The following GMDS variants were observed in gnomAD, a reference collection of about 807,000 sequenced individuals.
GMDS encodes the protein GDP-mannose 4,6-dehydratase.
GMDS carries 20 observed loss-of-function variants against 49.9 expected under a neutral mutation model. The ratio of observed to expected loss-of-function variants is 0.40; its 90% CI spans 0.28 to 0.58. The LOEUF (loss-of-function observed/expected upper bound fraction) is 0.58. GMDS is among the 20% of genes least tolerant of loss of function. The probability of loss-of-function intolerance (pLI) is 0.42; values close to 1 mark genes in which losing one functional copy is unlikely to be tolerated. For missense variants in GMDS, 362 were observed against 481.4 expected (o/e 0.75, Z 2.32); for synonymous variants, 177 against 178.6 (o/e 0.99, Z 0.07).
At chr6:1,653,839 A>G (rs570752163) in intron 9 of GMDS, among the ~76,000 whole-genome samples, 1 of 152,368 alleles carries the variant, frequency 6.6e-6, no homozygotes, top group Admixed American at 6.5e-5. Context: ...TTAAATCTAT[A>G]AAACTCTGAG....
chr6:1,638,988 G>T (rs189824369), intron 9 of GMDS, among the ~76,000 whole-genome samples: 1 of 152,136 alleles, frequency 6.6e-6, no homozygotes, highest in African/African-American at 2.4e-5. Context: ...GCCAACATTC[G>T]TTCATACATG....
chr6:2,165,820 C>A (rs1000701789), intron 1 of GMDS, among the ~76,000 whole-genome samples: 1 of 152,076 alleles, frequency 6.6e-6, no homozygotes, highest in East Asian at 1.9e-4. Flanking sequence ...CAAGAGAACA[C>A]TTTGAAATAA....
rs553943268 is a variant in GMDS at position 2,073,073 on chromosome 6, C to T, written c.345+42698G>A. 4.3e-4 allele frequency among the ~76,000 whole-genome samples: 66 copies of T among 152,346 alleles called. 1 individual carries two copies. Among genetic ancestry groups the T allele is most frequent in the African/African-American group, 1.5e-3 (63 of 41,598 alleles). On this transcript the variant is annotated intron_variant, in intron 4 of 10. Coordinates refer to ENST00000380815, the MANE Select transcript of GMDS (RefSeq NM_001500.4). ...TCCACCATGGGATGTTTAGGTTAGA[C>T]AGTCAGTGCACAGGGAAAATTAACA...
intron 4 of GMDS, among the ~76,000 whole-genome samples, chr6:1,999,072 C>A (rs1469478089): frequency 2.0e-5 from 3 of 151,836 alleles, no homozygotes; most frequent in African/African-American, 7.3e-5. Flanking sequence ...GCCTGTAATC[C>A]CAGCACTTTG....
At position 1,949,578 on chromosome 6, in the gene GMDS, A is replaced by C. The variant is rs9405533; in HGVS notation, c.643+10289T>G. On this transcript the variant is annotated intron_variant, in intron 6 of 10. Transcript: ENST00000380815. ...CTGCATTAGACCAAGTATTGCTTCA[A>C]AAGTCTTTTATGTTTAAGCAATTAC... Among the ~76,000 whole-genome samples the C allele has an allele frequency of 3.3e-5, 5 of 152,156 alleles. No individual in the cohort carries two copies. The South Asian group carries it at 1.0e-3, about 32-fold the overall frequency.
At chr6:2,063,829 C>A (rs1386765836) in intron 4 of GMDS, among the ~76,000 whole-genome samples, 1 of 152,164 alleles carries the variant, frequency 6.6e-6, no homozygotes, top group African/African-American at 2.4e-5. Context: ...TGTTGCATGT[C>A]AAATGTGGAG....
At chr6:2,138,960 C>A (rs1776145800) in intron 1 of GMDS, among the ~76,000 whole-genome samples, 1 of 152,312 alleles carries the variant, frequency 6.6e-6, no homozygotes, top group African/African-American at 2.4e-5. Flanking sequence ...TGTACTCACT[C>A]CGCAACAGTA....
chr6:1,746,897 T>C (rs1378383829), intron 7 of GMDS, among the ~76,000 whole-genome samples: 1 of 152,128 alleles, frequency 6.6e-6, no homozygotes, highest in Non-Finnish European at 1.5e-5. Flanking sequence ...AGATGGGGTT[T>C]CACCATGTTG....
intron 7 of GMDS, among the ~76,000 whole-genome samples, chr6:1,825,660 T>C (rs1193592421): frequency 1.3e-5 from 2 of 151,016 alleles, no homozygotes; most frequent in Non-Finnish European, 2.9e-5. Context: ...GTGATAATTA[T>C]TTGTGTTTCT....
intron 7 of GMDS, among the ~76,000 whole-genome samples, chr6:1,783,862 A>G (rs6919059): frequency 0.44 from 67,066 of 151,884 alleles, 15,183 homozygotes; most frequent in East Asian, 0.71. Flanking sequence ...TGACAGAAAC[A>G]ACATTGCGAT....
At chr6:1,660,779 C>T (rs573955563) in intron 9 of GMDS, among the ~76,000 whole-genome samples, 10 of 145,388 alleles carry the variant, frequency 6.9e-5, no homozygotes, top group East Asian at 2.0e-4. Context: ...ACAGGCAATA[C>T]GAGATGACAG....
intron 4 of GMDS, among the ~76,000 whole-genome samples, chr6:1,996,547 T>C (rs1333186257): frequency 1.3e-5 from 2 of 152,228 alleles, no homozygotes; most frequent in Non-Finnish European, 2.9e-5. Context: ...TAGCGTAGTA[T>C]CCTAACAATT....
At position 2,021,728 on chromosome 6, in the gene GMDS, G is replaced by A. The variant is rs568309450; in HGVS notation, c.346-60762C>T. On this transcript the variant is annotated intron_variant, in intron 4 of 10. Transcript: ENST00000380815. ...ACTAACGACAGCATTCCAAGTTCCCGTCCCCACCCAACTGTGGAAATGACT... is the reference window on the plus strand; with the variant it reads ...ACTAACGACAGCATTCCAAGTTCCCATCCCCACCCAACTGTGGAAATGACT... Among the ~76,000 whole-genome samples the A allele has an allele frequency of 5.3e-5, 8 of 152,128 alleles. 1 individual carries two copies. Among genetic ancestry groups the A allele is most frequent in the South Asian group, 2.1e-4 (1 of 4,820 alleles).
intron 1 of GMDS, among the ~76,000 whole-genome samples, chr6:2,222,513 C>T (rs1027815182): frequency 3.9e-5 from 6 of 152,184 alleles, no homozygotes; most frequent in African/African-American, 1.2e-4. Context: ...ACAATAGAAG[C>T]TTGGTCCTTG....
chr6:2,146,181 G>T (rs1456017555), intron 1 of GMDS, among the ~76,000 whole-genome samples: 1 of 152,258 alleles, frequency 6.6e-6, no homozygotes, highest in African/African-American at 2.4e-5. Context: ...ATGTTAGGAA[G>T]ACATGTTCTT....
chr6:1,847,925 G>A (rs950158371), intron 7 of GMDS, among the ~76,000 whole-genome samples: 1 of 152,144 alleles, frequency 6.6e-6, no homozygotes, highest in Non-Finnish European at 1.5e-5. Context: ...AGGAAAGAGT[G>A]AGACGAGATA....
chr6:1,910,866 G>A (rs1423649458), intron 7 of GMDS, among the ~76,000 whole-genome samples: 1 of 152,172 alleles, frequency 6.6e-6, no homozygotes, highest in Non-Finnish European at 1.5e-5. Flanking sequence ...CTCTGAATGA[G>A]TTAAGCATTG....
chr6:1,876,852 C>T (rs1246224657), intron 7 of GMDS, among the ~76,000 whole-genome samples: 2 of 152,194 alleles, frequency 1.3e-5, no homozygotes, highest in Admixed American at 6.5e-5. Flanking sequence ...AAGAGGTTCT[C>T]TGATCATCTT....
At chr6:2,236,855 C>G (rs1781382766) in intron 1 of GMDS, among the ~76,000 whole-genome samples, 2 of 152,210 alleles carry the variant, frequency 1.3e-5, no homozygotes, top group Middle Eastern at 3.2e-3. Flanking sequence ...ACCAAATGCT[C>G]AAGCATAATA....
Sources: gnomAD v4.1 joint callset for allele counts (sites outside exome capture counted in the v4.1 genomes callset) on GRCh38, gnomAD v4.1.1 for gene constraint, MANE v1.5 for transcripts, NCBI Gene and HGNC (gene_info 2026-07-23, HGNC 2026-07-21) for gene names.